The following ZNF536 variants were observed in gnomAD, a reference collection of about 807,000 sequenced individuals.
The protein encoded by ZNF536 is zinc finger protein 536.
In ZNF536, 13 loss-of-function variants were observed where a neutral mutation model predicts 84.5. The ratio of observed to expected loss-of-function variants is 0.15; its 90% CI spans 0.10 to 0.24. ZNF536 has a LOEUF of 0.24. ZNF536 is among the 10% of genes least tolerant of loss of function. ZNF536 has a pLI of 1.00. For missense variants in ZNF536, 1,536 were observed against 1,747.5 expected, an observed-to-expected ratio of 0.88 and a Z score of 2.16; for synonymous variants, 811 against 742.5, an observed-to-expected ratio of 1.09 and a Z score of -1.50.
At chr19:30,709,184 A>G (rs2052363667) in intron 1 of ZNF536, among the ~76,000 whole-genome samples, 3 of 152,238 alleles carry the variant, frequency 2.0e-5, no homozygotes, top group Non-Finnish European at 4.4e-5. Flanking sequence ...GTGAACGTCC[A>G]CAGGAATCCA....
At chr19:30,347,048 G>A (rs996715309) in intron 2 of ZNF536, among the ~76,000 whole-genome samples, 1 of 151,076 alleles carries the variant, frequency 6.6e-6, no homozygotes, top group Non-Finnish European at 1.5e-5. Context: ...ATTGGTGTGA[G>A]ATGGTATTTC....
Position 30,426,532 on chromosome 19 carries a change from T to G in ZNF536, c.-2-17029T>G, listed in dbSNP as rs189765699. On this transcript the variant is annotated intron_variant, in intron 1 of 4. Coordinates refer to ENST00000355537, the MANE Select transcript of ZNF536 (RefSeq NM_014717.3). ...TACCCTGAAGGTCCTTGGTCCTGAG[T>G]GCACTGGCTGCAGCCTCTGACCACC... Among the ~76,000 whole-genome samples, 440 of 152,352 alleles carry G rather than the reference T, an allele frequency of 2.9e-3. 1 individual carries two copies. The highest frequency in any genetic ancestry group is 0.01 in the African/African-American group (422 of 41,584).
intron 1 of ZNF536, among the ~76,000 whole-genome samples, chr19:30,428,871 T>C (rs1437898895): frequency 3.3e-5 from 5 of 152,198 alleles, no homozygotes; most frequent in Non-Finnish European, 5.9e-5. Context: ...AGATGGGTGA[T>C]GGTTCAAGAT....
intron 1 of ZNF536, among the ~76,000 whole-genome samples, chr19:30,400,513 G>A (rs2147495025): frequency 6.6e-6 from 1 of 152,224 alleles, no homozygotes; most frequent in East Asian, 1.9e-4. Context: ...ATCTGGCCAT[G>A]TCTTTTGCCT....
intron 2 of ZNF536, among the ~76,000 whole-genome samples, chr19:30,473,649 C>G (rs1429141463): frequency 6.6e-6 from 1 of 152,206 alleles, no homozygotes; most frequent in Non-Finnish European, 1.5e-5. Flanking sequence ...TCACTCATAT[C>G]CTTGGAGCCG....
intron 1 of ZNF536, among the ~76,000 whole-genome samples, chr19:30,634,786 C>T (rs1261422161): frequency 6.6e-6 from 1 of 151,972 alleles, no homozygotes; most frequent in African/African-American, 2.4e-5. Context: ...GGGAGTGCAG[C>T]TCGTTATGGC....
chr19:30,264,854 AG>A (rs1379636449), intron 1 of ZNF536, among the ~76,000 whole-genome samples: 1 of 152,014 alleles, frequency 6.6e-6, no homozygotes, highest in Non-Finnish European at 1.5e-5. Flanking sequence ...ATCCGCTCCA[AG>A]CTCCACACCA....
At chr19:30,657,222 G>A (rs8108839) in intron 1 of ZNF536, among the ~76,000 whole-genome samples, 3,086 of 152,308 alleles carry the variant, frequency 0.02, 102 homozygotes, top group African/African-American at 0.071. Flanking sequence ...TGGAGAGGGT[G>A]CTATGTGGGT....
chr19:30,647,549 T>A (rs915954572), intron 1 of ZNF536, among the ~76,000 whole-genome samples: 7 of 152,264 alleles, frequency 4.6e-5, no homozygotes, highest in African/African-American at 1.4e-4. Context: ...AATGCTTGTC[T>A]GTTGCTGGCA....
intron 1 of ZNF536, among the ~76,000 whole-genome samples, chr19:30,583,564 A>C (rs2046996526): frequency 1.3e-5 from 2 of 152,274 alleles, no homozygotes; most frequent in South Asian, 4.2e-4. Flanking sequence ...GAAGTGCCCC[A>C]CACTTGAACA....
chr19:30,708,536 C>T (rs1194540081), intron 1 of ZNF536, among the ~76,000 whole-genome samples: 1 of 152,168 alleles, frequency 6.6e-6, no homozygotes, highest in Admixed American at 6.5e-5. Flanking sequence ...CTGGGGAGGA[C>T]AGGCTGGCGG....
At chr19:30,501,846 G>T (rs2054962038) in intron 2 of ZNF536, among the ~76,000 whole-genome samples, 1 of 152,198 alleles carries the variant, frequency 6.6e-6, no homozygotes, top group East Asian at 1.9e-4. Context: ...CCTTGGCGAT[G>T]ACCTTGAGCA....
chr19:30,366,525 A>G (rs550271653), intron 3 of ZNF536, among the ~76,000 whole-genome samples: 3 of 150,408 alleles, frequency 2.0e-5, no homozygotes, highest in African/African-American at 7.4e-5. Context: ...TGTATTTAGC[A>G]TCTCTCTATA....
intron 1 of ZNF536, among the ~76,000 whole-genome samples, chr19:30,653,192 G>C (rs978901253): frequency 6.6e-6 from 1 of 152,180 alleles, no homozygotes; most frequent in Non-Finnish European, 1.5e-5. Context: ...GATCCCCATG[G>C]ATCTTGCTAT....
chr19:30,401,366 A>G (rs2050038503), intron 1 of ZNF536, among the ~76,000 whole-genome samples: 1 of 152,156 alleles, frequency 6.6e-6, no homozygotes, highest in African/African-American at 2.4e-5. Context: ...AATAAGAAAG[A>G]AGGACTTCAA....
intron 1 of ZNF536, among the ~76,000 whole-genome samples, chr19:30,707,872 T>A (rs181370909): frequency 6.6e-6 from 1 of 152,052 alleles, no homozygotes; most frequent in East Asian, 1.9e-4. Flanking sequence ...TAGCTGGGCA[T>A]GGTGGCTTAT....
intron 2 of ZNF536, chr19:30,300,768 A>G (rs1600133623): frequency 6.6e-6 from 1 of 152,118 alleles, no homozygotes; most frequent in African/African-American, 2.4e-5. Flanking sequence ...CCGAAGAAAT[A>G]CCCCAGGTAC....
intron 1 of ZNF536, among the ~76,000 whole-genome samples, chr19:30,643,674 G>A (rs2049350549): frequency 1.3e-5 from 2 of 152,072 alleles, no homozygotes; most frequent in African/African-American, 2.4e-5. Context: ...GGGTTTTGGG[G>A]CACCAACCTG....
intron 1 of ZNF536, among the ~76,000 whole-genome samples, chr19:30,606,782 T>G (rs1014221383): frequency 1.3e-5 from 2 of 152,172 alleles, no homozygotes; most frequent in Non-Finnish European, 2.9e-5. Context: ...CCTGTCCAGC[T>G]GTGATCCTGA....
Sources: allele counts gnomAD v4.1 joint callset (sites outside exome capture counted in the v4.1 genomes callset), GRCh38; gene constraint gnomAD v4.1.1; transcripts MANE v1.5; gene names NCBI Gene and HGNC (gene_info 2026-07-23, HGNC 2026-07-21).